Variants in TMEM117 observed in about 807,000 individuals in gnomAD.
TMEM117 encodes the protein transmembrane protein 117.
In TMEM117, 27 loss-of-function variants were observed where a neutral mutation model predicts 52.4. The ratio of observed to expected loss-of-function variants is 0.51; its 90% CI spans 0.38 to 0.71. TMEM117 has a LOEUF of 0.71. Ranked by LOEUF, TMEM117 falls within the 30% of genes least tolerant of loss-of-function variation. The probability of loss-of-function intolerance (pLI) is 0.00; values close to 1 mark genes in which losing one functional copy is unlikely to be tolerated. For missense variants in TMEM117, 556 were observed against 630.5 expected (o/e 0.88, Z 1.26); for synonymous variants, 215 against 206.3 (o/e 1.04, Z -0.36).
intron 3 of TMEM117, among the ~76,000 whole-genome samples, chr12:44,066,603 A>T (rs1028915802): frequency 1.2e-4 from 18 of 152,244 alleles, no homozygotes; most frequent in Non-Finnish European, 4.4e-5. Context: ...TAGTCTAGTT[A>T]GTGTGCAGTA....
intron 2 of TMEM117, among the ~76,000 whole-genome samples, chr12:43,847,742 G>A (rs551891992): frequency 6.6e-6 from 1 of 152,164 alleles, no homozygotes; most frequent in Non-Finnish European, 1.5e-5. Context: ...GAGAGTTCTA[G>A]TAAAAGCATT....
intron 2 of TMEM117, among the ~76,000 whole-genome samples, chr12:43,873,628 T>G (rs1459704204): frequency 6.6e-6 from 1 of 152,106 alleles, no homozygotes; most frequent in Non-Finnish European, 1.5e-5. Flanking sequence ...TGTACTCACT[T>G]TTGTTCTAAT....
At chr12:44,337,448 G>A (rs1485465918) in intron 6 of TMEM117, among the ~76,000 whole-genome samples, 1 of 152,002 alleles carries the variant, frequency 6.6e-6, no homozygotes, top group African/African-American at 2.4e-5. Flanking sequence ...ACACATTCAG[G>A]TTCTAGCAGT....
chr12:43,877,890 A>AAC (rs369405497), intron 2 of TMEM117, among the ~76,000 whole-genome samples: 10,923 of 142,976 alleles, frequency 0.076, 426 homozygotes, highest in African/African-American at 0.11. Flanking sequence ...GTAAAAACAA[A>AAC]ACACACACAC....
At chr12:43,958,192 A>G (rs1945339695) in intron 3 of TMEM117, among the ~76,000 whole-genome samples, 1 of 152,218 alleles carries the variant, frequency 6.6e-6, no homozygotes. Context: ...ATATGCTTGC[A>G]TATGCATCTA....
intron 6 of TMEM117, among the ~76,000 whole-genome samples, chr12:44,333,609 G>A (rs1002206281): frequency 2.0e-5 from 3 of 151,954 alleles, no homozygotes; most frequent in Admixed American, 1.3e-4. Context: ...ATGTGAAGAA[G>A]GACATGCTTG....
intron 6 of TMEM117, among the ~76,000 whole-genome samples, chr12:44,350,611 G>A (rs898717108): frequency 2.5e-4 from 38 of 151,820 alleles, no homozygotes; most frequent in Non-Finnish European, 4.4e-4. Context: ...AATTGAGAAC[G>A]TGCAATGTTT....
intron 3 of TMEM117, among the ~76,000 whole-genome samples, chr12:44,105,757 A>G (rs1461306496): frequency 6.6e-6 from 1 of 151,996 alleles, no homozygotes; most frequent in Non-Finnish European, 1.5e-5. Context: ...CCCAGGTCAG[A>G]TAGGCTCTGA....
chr12:43,958,990 A>C (rs1011698085), intron 3 of TMEM117, among the ~76,000 whole-genome samples: 3 of 151,792 alleles, frequency 2.0e-5, no homozygotes, highest in South Asian at 4.1e-4. Flanking sequence ...TGTATTTTTA[A>C]TAGAGACGGG....
intron 2 of TMEM117, among the ~76,000 whole-genome samples, chr12:43,903,181 T>A (rs375841570): frequency 1.3e-5 from 2 of 152,168 alleles, no homozygotes; most frequent in Non-Finnish European, 2.9e-5. Flanking sequence ...TTGTATATAT[T>A]TTTTGGGTAC....
intron 3 of TMEM117, among the ~76,000 whole-genome samples, chr12:44,122,154 C>T (rs182014116): frequency 3.3e-5 from 5 of 151,650 alleles, no homozygotes; most frequent in African/African-American, 9.7e-5. Flanking sequence ...AAACAATTCT[C>T]CTACCTCAGC....
At chr12:43,842,091 C>T (rs529968782) in intron 1 of TMEM117, among the ~76,000 whole-genome samples, 12 of 152,258 alleles carry the variant, frequency 7.9e-5, no homozygotes, top group African/African-American at 2.9e-4. Context: ...TCTGTGGACA[C>T]TTCCAAAACT....
chr12:44,081,621 A>G (rs1947482742), intron 3 of TMEM117, among the ~76,000 whole-genome samples: 1 of 152,280 alleles, frequency 6.6e-6, no homozygotes, highest in African/African-American at 2.4e-5. Flanking sequence ...TCCTTCTGGT[A>G]GAGTCTTAAG....
rs944008828 is a variant in TMEM117 at position 44,042,881 on chromosome 12, A to G, written c.410+98539A>G. 5.3e-5 allele frequency among the ~76,000 whole-genome samples: 8 copies of G among 152,104 alleles called. No homozygotes were observed. In the East Asian group the frequency reaches 1.3e-3, roughly 26 times the overall value. ...GTACCAGGAGTAGTTGTAGAGGAAC[A>G]GAATATTAAGGATGGAGTTCTTTCA... On this transcript the variant is annotated intron_variant, in intron 3 of 7. Coordinates refer to ENST00000266534, the MANE Select transcript of TMEM117 (RefSeq NM_032256.3).
chr12:43,802,210 C>A, the TMEM117 span: 24 of 977,250 alleles, frequency 2.5e-5, no homozygotes, highest in East Asian at 2.2e-4. Flanking sequence ...TGTTTTTTAA[C>A]CTTTATTTGA....
intron 3 of TMEM117, among the ~76,000 whole-genome samples, chr12:44,085,673 AT>A (rs1244460262): frequency 1.3e-5 from 2 of 152,228 alleles, no homozygotes; most frequent in Admixed American, 6.5e-5. Flanking sequence ...CTAATAATGC[AT>A]TTTAACTCTT....
At chr12:44,142,828 ATAAT>A (rs1453323824) in intron 3 of TMEM117, among the ~76,000 whole-genome samples, 6 of 152,184 alleles carry the variant, frequency 3.9e-5, no homozygotes, top group Admixed American at 6.5e-5. Flanking sequence ...TAGAAAAATA[ATAAT>A]TAGTGTTTTC....
intron 3 of TMEM117, among the ~76,000 whole-genome samples, chr12:43,959,350 C>A (rs1285853570): frequency 6.6e-6 from 1 of 152,184 alleles, no homozygotes; most frequent in Non-Finnish European, 1.5e-5. Context: ...TGGTTTGTAG[C>A]TTCAGTTTCT....
At chr12:43,979,609 A>G (rs1238662167) in intron 3 of TMEM117, among the ~76,000 whole-genome samples, 1 of 152,152 alleles carries the variant, frequency 6.6e-6, no homozygotes, top group South Asian at 2.1e-4. Context: ...AATCTTGAGG[A>G]ATCGCTGTGG....
Sources: allele counts gnomAD v4.1 joint callset (sites outside exome capture counted in the v4.1 genomes callset), GRCh38; gene constraint gnomAD v4.1.1; transcripts MANE v1.5; gene names NCBI Gene and HGNC (gene_info 2026-07-23, HGNC 2026-07-21).